ARK2C: variants seen among roughly 807,000 people sequenced by gnomAD.
ARK2C encodes E3 ubiquitin-protein ligase ARK2C.
At chr18:46,431,227 G>A in the ARK2C span, among the ~76,000 whole-genome samples, 1 of 152,160 alleles carries the variant, frequency 6.6e-6, no homozygotes, top group African/African-American at 2.4e-5. Context: ...ATGATTCTCT[G>A]AGTTCATTTT....
the ARK2C span, among the ~76,000 whole-genome samples, chr18:46,409,960 T>C: frequency 6.6e-6 from 1 of 152,204 alleles, no homozygotes; most frequent in South Asian, 2.1e-4. Flanking sequence ...AGATGCCAAG[T>C]GGAATTGCAG....
At chr18:46,382,826 G>A in the ARK2C span, among the ~76,000 whole-genome samples, 1 of 152,216 alleles carries the variant, frequency 6.6e-6, no homozygotes, top group African/African-American at 2.4e-5. Context: ...AACATGGCAA[G>A]GTCTGGCATC....
At chr18:46,461,838 C>A in the ARK2C span, 7 of 152,108 alleles carry the variant, frequency 4.6e-5, no homozygotes, top group Non-Finnish European at 7.3e-5. Context: ...TAGGTGGACA[C>A]GTATAGGACG....
chr18:46,424,742 G>A, the ARK2C span, among the ~76,000 whole-genome samples: 1 of 152,202 alleles, frequency 6.6e-6, no homozygotes, highest in Non-Finnish European at 1.5e-5. Context: ...CAGGAAACTA[G>A]GGCCTGGAGA....
chr18:46,367,635 G>C, the ARK2C span, among the ~76,000 whole-genome samples: 7,718 of 152,212 alleles, frequency 0.051, 644 homozygotes, highest in African/African-American at 0.17. Context: ...ATTGCCTAAA[G>C]CTTCTGACAT....
the ARK2C span, among the ~76,000 whole-genome samples, chr18:46,452,559 C>T: frequency 6.6e-6 from 1 of 152,158 alleles, no homozygotes; most frequent in Non-Finnish European, 1.5e-5. Flanking sequence ...AGATTACAGG[C>T]ATGAGCCACC....
the ARK2C span, among the ~76,000 whole-genome samples, chr18:46,407,306 T>A: frequency 1.8e-4 from 28 of 152,260 alleles, 1 homozygote; most frequent in South Asian, 5.4e-3. Context: ...ATTCTTCTTC[T>A]CCTCCTAACC....
the ARK2C span, among the ~76,000 whole-genome samples, chr18:46,370,140 T>C: frequency 6.6e-6 from 1 of 152,172 alleles, no homozygotes; most frequent in Non-Finnish European, 1.5e-5. Flanking sequence ...CCCCACTTCC[T>C]TCCCTGCTTT....
At chr18:46,353,647 C>T in the ARK2C span, among the ~76,000 whole-genome samples, 18 of 152,188 alleles carry the variant, frequency 1.2e-4, no homozygotes, top group Non-Finnish European at 2.5e-4. Context: ...GTGGGAGTGA[C>T]GGGGCCCTGG....
At chr18:46,403,404 C>T in the ARK2C span, among the ~76,000 whole-genome samples, 1 of 152,196 alleles carries the variant, frequency 6.6e-6, no homozygotes, top group Non-Finnish European at 1.5e-5. Flanking sequence ...CCGTCTCCCT[C>T]TAGGTTGACA....
chr18:46,439,469 C>T, the ARK2C span, among the ~76,000 whole-genome samples: 1 of 152,178 alleles, frequency 6.6e-6, no homozygotes, highest in Admixed American at 6.5e-5. Flanking sequence ...GCATTCCTCT[C>T]AAGGGTGCTT....
the ARK2C span, among the ~76,000 whole-genome samples, chr18:46,390,461 C>T: frequency 6.6e-6 from 1 of 152,198 alleles, no homozygotes; most frequent in East Asian, 1.9e-4. Context: ...AGACGGGTCA[C>T]TGCTTCTATG....
At chr18:46,389,104 A>G in the ARK2C span, among the ~76,000 whole-genome samples, 1 of 152,172 alleles carries the variant, frequency 6.6e-6, no homozygotes, top group South Asian at 2.1e-4. Context: ...CACAGAGCAG[A>G]TAGCTGAGAG....
chr18:46,440,467 T>C, the ARK2C span, among the ~76,000 whole-genome samples: 1 of 152,202 alleles, frequency 6.6e-6, no homozygotes. Flanking sequence ...TTATTCACAG[T>C]TTCAGGCAGC....
the ARK2C span, among the ~76,000 whole-genome samples, chr18:46,423,111 T>C: frequency 1.3e-5 from 2 of 152,218 alleles, no homozygotes; most frequent in African/African-American, 2.4e-5. Flanking sequence ...TCCTTCAACC[T>C]TTCCATCAGT....
the ARK2C span, chr18:46,334,475 A>T: frequency 1.5e-6 from 1 of 652,972 alleles, no homozygotes. The surrounding 1 kb of genome is among the most constrained non-coding windows in gnomAD (Gnocchi z 4.4). Context: ...CCCCCACCCC[A>T]TTTTAGGGGG....
chr18:46,353,160 G>C, the ARK2C span, among the ~76,000 whole-genome samples: 1 of 152,224 alleles, frequency 6.6e-6, no homozygotes, highest in African/African-American at 2.4e-5. Context: ...TTATCCAAAA[G>C]ACTATAGTAG....
chr18:46,376,354 G>A, the ARK2C span, among the ~76,000 whole-genome samples: 4 of 152,254 alleles, frequency 2.6e-5, no homozygotes, highest in Admixed American at 2.0e-4. Flanking sequence ...TGGTTAAGGA[G>A]CATGGCCAGA....
At chr18:46,424,897 C>A in the ARK2C span, among the ~76,000 whole-genome samples, 1 of 152,220 alleles carries the variant, frequency 6.6e-6, no homozygotes, top group Non-Finnish European at 1.5e-5. Context: ...CAGAGACCTG[C>A]TTTTCAAAAG....
Sources: allele counts gnomAD v4.1 joint callset (sites outside exome capture counted in the v4.1 genomes callset), GRCh38; gene constraint gnomAD v4.1.1; non-coding constraint Gnocchi (gnomAD v3.1); transcripts MANE v1.5; gene names NCBI Gene and HGNC (gene_info 2026-07-23, HGNC 2026-07-21).